GIN1: variants seen among roughly 807,000 people sequenced by gnomAD.
GIN1 encodes gypsy retrotransposon integrase 1, also known as gypsy retrotransposon integrase-like protein 1.
GIN1 carries 41 observed loss-of-function variants against 51.4 expected under a neutral mutation model. That is an observed-to-expected ratio of 0.80 (90% CI 0.62 to 1.04). The LOEUF is 1.04. Among genes scored for constraint, GIN1 ranks in the 50% least tolerant of loss-of-function variants. The probability of loss-of-function intolerance (pLI) is 0.00; values close to 1 mark genes in which losing one functional copy is unlikely to be tolerated. For missense variants in GIN1, 610 were observed against 612.4 expected (o/e 1.00, Z 0.04); for synonymous variants, 222 against 206.5 (o/e 1.07, Z -0.64).
Position 103,107,201 on chromosome 5 carries a change from A to C in GIN1, c.140-292T>G, listed in dbSNP as rs192029633. 5.8e-3 allele frequency among the ~76,000 whole-genome samples: 878 copies of C among 152,216 alleles called. 11 individuals carry two copies. The highest frequency in any genetic ancestry group is 9.3e-3 in the Admixed American group (142 of 15,278). On this transcript the variant is annotated intron_variant, in intron 2 of 7. Coordinates refer to ENST00000399004, the MANE Select transcript of GIN1 (RefSeq NM_017676.2). ...GTAATAAGTACGGAAATATGAAATTATCTCTCTCTGGGAGTACTCAAAGTA... is the reference window on the plus strand; with the variant it reads ...GTAATAAGTACGGAAATATGAAATTCTCTCTCTCTGGGAGTACTCAAAGTA...
At chr5:103,097,556 A>G in intron 5 of GIN1, 34 bp downstream of exon 5, 1 of 1,515,798 alleles carries the variant, frequency 6.6e-7, no homozygotes, top group Non-Finnish European at 9.1e-7. Context: ...AATAGTCATA[A>G]CTCAGAAGTA....
At position 103,087,829 on chromosome 5, in the gene GIN1, T is replaced by G. The variant is rs1787116716; in HGVS notation, c.*69A>C. 1 of 661,002 alleles carries G rather than the reference T, an allele frequency of 1.5e-6. No individual in the cohort carries two copies. 40.9% of individuals were successfully genotyped at this position (661,002 alleles called of 1,614,324 possible). ...TCAAGATACTTCTTCTATACAACGTTTTTAATGAATAAGATATCATTAAGA... is the reference window on the plus strand; with the variant it reads ...TCAAGATACTTCTTCTATACAACGTGTTTAATGAATAAGATATCATTAAGA... On this transcript the variant is annotated 3_prime_UTR_variant, in exon 8 of 8. Coordinates refer to ENST00000399004, the MANE Select transcript of GIN1 (RefSeq NM_017676.2).
At chr5:103,091,100 G>A (rs575462615) in intron 7 of GIN1, among the ~76,000 whole-genome samples, 2 of 152,110 alleles carry the variant, frequency 1.3e-5, no homozygotes, top group African/African-American at 4.8e-5. Context: ...CATTTGCAAA[G>A]GTCAAATATG....
At chr5:103,108,473 A>G in intron 2 of GIN1, 96 bp downstream of exon 2, 1 of 803,948 alleles carries the variant, frequency 1.2e-6, no homozygotes, top group Non-Finnish European at 2.0e-6. Flanking sequence ...ATTGTTTAGC[A>G]ACAACCAACT....
intron 3 of GIN1, among the ~76,000 whole-genome samples, chr5:103,106,351 T>C (rs1257363489): frequency 6.6e-6 from 1 of 152,134 alleles, no homozygotes; most frequent in Non-Finnish European, 1.5e-5. Context: ...TGACTTACTA[T>C]GAACATATTC....
intron 7 of GIN1, among the ~76,000 whole-genome samples, chr5:103,095,660 G>A (rs1316418640): frequency 6.6e-6 from 1 of 152,220 alleles, no homozygotes; most frequent in Admixed American, 6.5e-5. Context: ...AATGGCACAT[G>A]CACGCAATCC....
intron 2 of GIN1, among the ~76,000 whole-genome samples, chr5:103,107,391 G>C (rs957207909): frequency 1.3e-5 from 2 of 152,134 alleles, no homozygotes; most frequent in Non-Finnish European, 2.9e-5. Flanking sequence ...AGAAGGTAGG[G>C]ATGGTGAAGC....
chr5:103,089,014 A>G (rs1787160223), intron 7 of GIN1, among the ~76,000 whole-genome samples: 3 of 152,204 alleles, frequency 2.0e-5, no homozygotes, highest in Admixed American at 6.5e-5. Flanking sequence ...CAACATGCCA[A>G]CTGAGGCTTA....
chr5:103,104,066 G>A (rs1787651147), intron 4 of GIN1, among the ~76,000 whole-genome samples: 1 of 151,982 alleles, frequency 6.6e-6, no homozygotes, highest in Non-Finnish European at 1.5e-5. Flanking sequence ...TGATTCTCCT[G>A]CCACAGCCTC....
chr5:103,110,555 A>G (rs1787852507), intron 1 of GIN1, among the ~76,000 whole-genome samples: 1 of 152,158 alleles, frequency 6.6e-6, no homozygotes, highest in African/African-American at 2.4e-5. Context: ...ATTACACACT[A>G]CTGAACAGGC....
rs116607293 is a variant in GIN1 at position 103,101,953 on chromosome 5, T to G, written c.639+2588A>C. Among the ~76,000 whole-genome samples the G allele has an allele frequency of 3.9e-3, 592 of 152,364 alleles. 2 individuals are homozygous for G. The highest frequency in any genetic ancestry group is 0.013 in the African/African-American group (557 of 41,588). On this transcript the variant is annotated intron_variant, in intron 4 of 7. Coordinates refer to ENST00000399004, the MANE Select transcript of GIN1 (RefSeq NM_017676.2). ...GTCAATCAAGGCAGGCAAGACTACC[T>G]TGCCTTCATTTACAAAATTATCTTG...
chr5:103,106,850 C>T lies in GIN1; in HGVS notation c.199G>A (p.Glu67Lys). ...RKQNRLVIVSEEEKKKVLREC... is the reference protein window; with the variant it reads ...RKQNRLVIVSKEEKKKVLREC... ...CTTAAGACTTTCTTTTTTTCCTCTT[C>T]TGAAACAATTACCAAACGATTTTGT... The change falls in exon 3 of 8, where the codon GAA becomes AAA. Residue 67 changes from glutamate (E) to lysine (K), a missense_variant. Physicochemically the swap from Glu to Lys is moderately conservative, Grantham distance 56. Coordinates refer to ENST00000399004, the MANE Select transcript of GIN1 (RefSeq NM_017676.2). The T allele has an allele frequency of 1.9e-6, 3 of 1,598,662 alleles. No individual in the cohort carries two copies. Among genetic ancestry groups the T allele is most frequent in the Non-Finnish European group, 2.6e-6 (3 of 1,172,796 alleles).
chr5:103,099,895 T>A (rs1474666217), intron 4 of GIN1, among the ~76,000 whole-genome samples: 1 of 152,182 alleles, frequency 6.6e-6, no homozygotes, highest in Non-Finnish European at 1.5e-5. Flanking sequence ...CATTGTGTAT[T>A]ATGTTATAAT....
intron 1 of GIN1, among the ~76,000 whole-genome samples, chr5:103,112,421 A>G (rs1408113909): frequency 6.6e-6 from 1 of 152,184 alleles, no homozygotes; most frequent in Admixed American, 6.5e-5. Flanking sequence ...TACTTGACAG[A>G]GTGGACACCA....
chr5:103,114,666 C>G (rs1254507446), intron 1 of GIN1, among the ~76,000 whole-genome samples: 2 of 152,196 alleles, frequency 1.3e-5, no homozygotes, highest in Non-Finnish European at 2.9e-5. Context: ...TCCCCAATCT[C>G]AGGGAGAATT....
In GIN1 at chr5:103,104,850, C is replaced by A. The variant is rs1554196134; in HGVS notation, c.334-4G>T. 6.5e-7 allele frequency: 1 copy of A among 1,545,596 alleles called. No individual in the cohort carries two copies. Among genetic ancestry groups the A allele is most frequent in the Non-Finnish European group, 8.8e-7 (1 of 1,134,418 alleles). On this transcript the variant is annotated splice_region_variant and splice_polypyrimidine_tract_variant and intron_variant, in intron 3 of 7. Transcript: ENST00000399004. Reference sequence around the variant, plus strand: ...GGCAATGCTGACAAGCATATACCTACAACAGGCACACAATAAAGAAAACAC... The same window carrying A: ...GGCAATGCTGACAAGCATATACCTAAAACAGGCACACAATAAAGAAAACAC...
intron 1 of GIN1, among the ~76,000 whole-genome samples, chr5:103,114,340 C>G (rs1220285112): frequency 1.3e-5 from 2 of 152,168 alleles, no homozygotes; most frequent in Non-Finnish European, 2.9e-5. Context: ...TGAGGAAATT[C>G]TGAGCCAAAG....
chr5:103,098,203 A>G (rs782126729), intron 4 of GIN1, among the ~76,000 whole-genome samples: 1 of 152,046 alleles, frequency 6.6e-6, no homozygotes, highest in Non-Finnish European at 1.5e-5. Context: ...TTTATTGACC[A>G]TAACATTCTA....
rs1296167094 is a variant in GIN1, at chr5:103,108,592, G to A, written c.116C>T (p.Ala39Val). Reference sequence around the variant, plus strand: ...ACCTTTGAAGACAAATTTTTTTGCTGCTCTTCTTATGCCACTTCTCTCACT... The same window carrying A: ...ACCTTTGAAGACAAATTTTTTTGCTACTCTTCTTATGCCACTTCTCTCACT... ...LPSERSGIRR[A>V]AKKFVFKEKK... is the part of the protein sequence containing the mutation. Residue 39 changes from alanine (A) to valine (V), a missense_variant, in exon 2 of 8, where the codon GCA (alanine) becomes GTA (valine). Ala to Val is a moderately conservative substitution (Grantham distance 64, BLOSUM62 0). Coordinates refer to ENST00000399004, the MANE Select transcript of GIN1 (RefSeq NM_017676.2). The A allele has an allele frequency of 2.5e-6, 4 of 1,602,216 alleles. No individual in the cohort carries two copies. The highest frequency in any genetic ancestry group is 1.3e-5 in the African/African-American group (1 of 74,466).
Sources: allele counts gnomAD v4.1 joint callset (sites outside exome capture counted in the v4.1 genomes callset), GRCh38; gene constraint gnomAD v4.1.1; transcripts MANE v1.5; gene names NCBI Gene and HGNC (gene_info 2026-07-23, HGNC 2026-07-21).